Variants in ZBTB20 observed in about 807,000 individuals in gnomAD.
ZBTB20 encodes the protein zinc finger and BTB domain containing 20.
In ZBTB20, 9 loss-of-function variants were observed where a neutral mutation model predicts 56.9. The ratio of observed to expected loss-of-function variants is 0.16; its 90% CI spans 0.10 to 0.28. The LOEUF is 0.28. ZBTB20 is among the 10% of genes least tolerant of loss of function. The pLI is 1.00. For missense variants in ZBTB20, 655 were observed against 1,003.0 expected (o/e 0.65, Z 4.69); for synonymous variants, 417 against 420.7 (o/e 0.99, Z 0.11).
chr3:114,458,698 C>A (rs1254662483), intron 7 of ZBTB20, among the ~76,000 whole-genome samples: 1 of 151,656 alleles, frequency 6.6e-6, no homozygotes, highest in Non-Finnish European at 1.5e-5. Context: ...GAATTATTAA[C>A]CCATTTATTA....
intron 7 of ZBTB20, among the ~76,000 whole-genome samples, chr3:114,445,194 CA>C (rs766261141): frequency 4.6e-5 from 7 of 152,166 alleles, no homozygotes; most frequent in Non-Finnish European, 1.0e-4. Flanking sequence ...TCACACTGGA[CA>C]ACCAAAGCTT....
rs1213050331 is a variant in ZBTB20, at chr3:114,988,272, C to T, written c.-506-13856G>A. On this transcript the variant is annotated intron_variant, in intron 2 of 11. Coordinates refer to ENST00000675478, the MANE Select transcript of ZBTB20 (RefSeq NM_001348800.3). The stretch of plus-strand genomic sequence containing the variant: ...CCCCTCCCCCAACCCCATGACAGGC[C>T]CCGGGGTGTGATGTTCCCCTTCCGG... Among the ~76,000 whole-genome samples the T allele has an allele frequency of 2.1e-5, 3 of 144,286 alleles. No individual in the cohort carries two copies. The East Asian group carries it at 6.2e-4, about 30-fold the overall frequency. 94.7% of individuals were successfully genotyped at this position (144,286 alleles called of 152,430 possible). A position where few individuals can be genotyped will look rare whatever the true frequency, so the allele number is the denominator to read the frequency against.
intron 3 of ZBTB20, among the ~76,000 whole-genome samples, chr3:114,962,400 A>G (rs377389171): frequency 6.6e-6 from 1 of 152,242 alleles, no homozygotes; most frequent in South Asian, 2.1e-4. Context: ...GAAAGGAAAT[A>G]AAAACAAGTA....
intron 5 of ZBTB20, among the ~76,000 whole-genome samples, chr3:114,703,376 G>C (rs1401698817): frequency 6.6e-6 from 1 of 152,162 alleles, no homozygotes; most frequent in Non-Finnish European, 1.5e-5. Context: ...AGCAGGCTTT[G>C]TATTTGTACA....
rs556072055 is a variant in ZBTB20, at chr3:114,336,394, C to T, written c.*2611G>A. ...CAATAGAAAAATGAACTTACTTTAT[C>T]TCGGAAGCTGTTCCTCACTAACTGT... On this transcript the variant is annotated 3_prime_UTR_variant, in exon 12 of 12. Transcript: ENST00000675478. The T allele has an allele frequency of 4.6e-5, 7 of 152,292 alleles. No homozygotes were observed. The South Asian group carries it at 1.5e-3, about 32-fold the overall frequency. 9.4% of individuals were successfully genotyped at this position (152,292 alleles called of 1,614,324 possible).
At chr3:115,147,035 C>A (rs1229627262) in intron 1 of ZBTB20, among the ~76,000 whole-genome samples, 184 bp downstream of exon 1, 1 of 149,638 alleles carries the variant, frequency 6.7e-6, no homozygotes, top group Non-Finnish European at 1.5e-5. Context: ...CGCGCTCATC[C>A]AGCTCAGGGC....
At position 114,842,689 on chromosome 3, in the gene ZBTB20, G is replaced by C. The variant is rs560002903; in HGVS notation, c.-416-41515C>G. ...ATCTAAAAAATGGTTGAAGTTGACTGTCTTGGCCACTGTTGCAAGGAGGAA... is the reference window on the plus strand; with the variant it reads ...ATCTAAAAAATGGTTGAAGTTGACTCTCTTGGCCACTGTTGCAAGGAGGAA... On this transcript the variant is annotated intron_variant, in intron 4 of 11. Coordinates refer to ENST00000675478, the MANE Select transcript of ZBTB20 (RefSeq NM_001348800.3). 3.9e-5 allele frequency among the ~76,000 whole-genome samples: 6 copies of C among 152,316 alleles called. No homozygotes were observed. The South Asian group carries it at 6.2e-4, about 16-fold the overall frequency.
intron 4 of ZBTB20, among the ~76,000 whole-genome samples, chr3:114,832,081 G>C (rs1479974308): frequency 6.6e-6 from 1 of 152,042 alleles, no homozygotes; most frequent in Non-Finnish European, 1.5e-5. Flanking sequence ...AAAAACAAAA[G>C]GTGTTGTGAT....
chr3:114,766,489 ATGTGTGTGTG>A (rs71297433), intron 5 of ZBTB20, among the ~76,000 whole-genome samples: 11 of 138,996 alleles, frequency 7.9e-5, no homozygotes, highest in African/African-American at 1.3e-4. Context: ...TGGGATGGAA[ATGTGTGTGTG>A]TGTGTGTGTG....
chr3:114,568,234 C>T lies in ZBTB20; in HGVS notation c.-294-67843G>A, dbSNP rs141630198. Among the ~76,000 whole-genome samples, 11 of 152,304 alleles carry T rather than the reference C, an allele frequency of 7.2e-5. No homozygotes were observed. In the East Asian group the frequency reaches 1.9e-3, roughly 27 times the overall value. ...GTAAAATTCCCCTCTACTGATAAGG[C>T]TGCTTGAAGTATGCGCAAGAAAATC... is the stretch of plus-strand genomic sequence containing the variant. On this transcript the variant is annotated intron_variant, in intron 6 of 11. Transcript: ENST00000675478.
intron 4 of ZBTB20, among the ~76,000 whole-genome samples, chr3:114,808,585 G>A (rs1481284961): frequency 6.6e-6 from 1 of 151,678 alleles, no homozygotes; most frequent in Non-Finnish European, 1.5e-5. Context: ...GATCAGTCTA[G>A]CAAAAGAAAA....
chr3:114,578,982 C>T (rs1347098089), intron 6 of ZBTB20, among the ~76,000 whole-genome samples: 1 of 151,624 alleles, frequency 6.6e-6, no homozygotes, highest in Non-Finnish European at 1.5e-5. Context: ...ATTATAGTAA[C>T]AAGATTGATA....
chr3:114,625,618 AGAG>A (rs1266030332), intron 6 of ZBTB20, among the ~76,000 whole-genome samples: 4 of 152,098 alleles, frequency 2.6e-5, no homozygotes, highest in African/African-American at 9.7e-5. Flanking sequence ...GGGTGGGGGT[AGAG>A]AAGAGCTTAG....
At chr3:114,537,196 C>G (rs1176701342) in intron 6 of ZBTB20, among the ~76,000 whole-genome samples, 1 of 152,132 alleles carries the variant, frequency 6.6e-6, no homozygotes, top group Non-Finnish European at 1.5e-5. Flanking sequence ...TCAGAGTGAA[C>G]AGGCAACCTA....
chr3:114,872,801 C>T (rs1359625174), intron 4 of ZBTB20, among the ~76,000 whole-genome samples: 1 of 151,998 alleles, frequency 6.6e-6, no homozygotes, highest in South Asian at 2.1e-4. Flanking sequence ...TTTCAAAGTC[C>T]GCCCTTTCTA....
chr3:115,064,088 A>G (rs756794770), intron 2 of ZBTB20, among the ~76,000 whole-genome samples: 4 of 152,174 alleles, frequency 2.6e-5, no homozygotes, highest in Non-Finnish European at 5.9e-5. Flanking sequence ...CACATGAAGA[A>G]TCCTATTCTA....
intron 3 of ZBTB20, among the ~76,000 whole-genome samples, chr3:114,913,929 C>G (rs1286508718): frequency 1.3e-5 from 2 of 151,872 alleles, no homozygotes; most frequent in African/African-American, 4.8e-5. Flanking sequence ...CTATTCTGTT[C>G]CATTGCTATA....
At chr3:115,143,706 T>C (rs1686630819) in intron 1 of ZBTB20, among the ~76,000 whole-genome samples, 1 of 152,216 alleles carries the variant, frequency 6.6e-6, no homozygotes, top group South Asian at 2.1e-4. Context: ...AACGTTTTAT[T>C]AATTTCAAAG....
At position 114,380,727 on chromosome 3, in the gene ZBTB20, C is replaced by A. The variant is rs533212354; in HGVS notation, c.11+50G>T. 4.1e-5 allele frequency: 61 copies of A among 1,471,412 alleles called. No homozygotes were observed. In the Middle Eastern group the frequency reaches 1.1e-3, roughly 26 times the overall value. The allele number at this position is 1,471,412 out of a possible 1,614,324, so 91.1% of individuals were successfully genotyped here. On this transcript the variant is annotated intron_variant, in intron 9 of 11. Transcript: ENST00000675478. ...TTATCCAAGAAAGCATCCCTCTTCC[C>A]CCCTTAGGAGTTTTAACATGGTCTG...
Sources: allele counts gnomAD v4.1 joint callset (sites outside exome capture counted in the v4.1 genomes callset), GRCh38; gene constraint gnomAD v4.1.1; transcripts MANE v1.5; gene names NCBI Gene and HGNC (gene_info 2026-07-23, HGNC 2026-07-21).